RIN3: variants seen among roughly 807,000 people sequenced by gnomAD.
The protein encoded by RIN3 is RAB5 interacting protein 3.
In RIN3, 54 loss-of-function variants were observed where a neutral mutation model predicts 76.3. The ratio of observed to expected loss-of-function variants is 0.71; its 90% CI spans 0.57 to 0.89. The LOEUF (loss-of-function observed/expected upper bound fraction) is 0.89. RIN3 is among the 40% of genes least tolerant of loss of function. The probability of loss-of-function intolerance (pLI) is 0.00; values close to 1 mark genes in which losing one functional copy is unlikely to be tolerated. For synonymous variants in RIN3, 576 were observed against 564.0 expected, an observed-to-expected ratio of 1.02 and a Z score of -0.30; for missense variants, 1,256 against 1,322.1, an observed-to-expected ratio of 0.95 and a Z score of 0.78.
intron 2 of RIN3, among the ~76,000 whole-genome samples, chr14:92,567,170 A>T (rs117396607): frequency 6.6e-6 from 1 of 152,272 alleles, no homozygotes; most frequent in East Asian, 1.9e-4. Flanking sequence ...AAACTTTCCC[A>T]CTGAGCTATG....
chr14:92,577,014 G>A (rs1246308892), intron 2 of RIN3, among the ~76,000 whole-genome samples: 1 of 152,044 alleles, frequency 6.6e-6, no homozygotes, highest in Non-Finnish European at 1.5e-5. Context: ...GCCAATTCCA[G>A]CCCCACTTAC....
intron 4 of RIN3, among the ~76,000 whole-genome samples, chr14:92,632,620 T>A (rs1288181074): frequency 1.3e-5 from 2 of 152,190 alleles, no homozygotes; most frequent in Admixed American, 6.5e-5. Flanking sequence ...CCCAAGTGTG[T>A]GTGACCCGCA....
intron 7 of RIN3, among the ~76,000 whole-genome samples, chr14:92,665,601 T>TA (rs942518699): frequency 2.6e-5 from 4 of 152,046 alleles, no homozygotes; most frequent in African/African-American, 9.7e-5. Flanking sequence ...CAGGATGGTC[T>TA]TGATCTCCTG....
intron 1 of RIN3, among the ~76,000 whole-genome samples, chr14:92,531,932 C>T (rs1458186543): frequency 1.4e-5 from 2 of 142,714 alleles, no homozygotes; most frequent in Non-Finnish European, 3.1e-5. Context: ...CATCTCTTAT[C>T]TTTTTTTTTT....
At chr14:92,570,065 G>T (rs1898022000) in intron 2 of RIN3, among the ~76,000 whole-genome samples, 2 of 152,218 alleles carry the variant, frequency 1.3e-5, no homozygotes, top group Non-Finnish European at 2.9e-5. Flanking sequence ...CTGCCATGTG[G>T]CTGTGCTTCT....
At position 92,657,547 on chromosome 14, in the gene RIN3, C is replaced by T. The variant is rs746261111; in HGVS notation, c.2027-1614C>T. Among the ~76,000 whole-genome samples, 9 of 152,146 alleles carry T rather than the reference C, an allele frequency of 5.9e-5. No homozygotes were observed. The South Asian group carries it at 1.5e-3, about 25-fold the overall frequency. ...CTGCGGCTCTTAGATGTGAAGGGGC[C>T]GGGAGGGCGTGGGCACAGCCCTCTC... On this transcript the variant is annotated intron_variant, in intron 6 of 9. Transcript: ENST00000216487.
chr14:92,561,119 TTATATA>T (rs929657250), intron 2 of RIN3, among the ~76,000 whole-genome samples: 5 of 113,364 alleles, frequency 4.4e-5, no homozygotes, highest in Admixed American at 1.2e-4. Flanking sequence ...TTATATATAT[TTATATA>T]TATTTATATT....
At position 92,656,785 on chromosome 14, in the gene RIN3, G is replaced by C. The variant is rs1282279236; in HGVS notation, c.2027-2376G>C. On this transcript the variant is annotated intron_variant, in intron 6 of 9. Transcript: ENST00000216487. The surrounding 1 kb of genome is among the most constrained non-coding windows in gnomAD (Gnocchi z 5.2). ...GGGCCCTTCAGCCTTTGGGAACAGG[G>C]TCAGCATCCACAGCAATGGTGCCAT... Among the ~76,000 whole-genome samples, 2 of 152,212 alleles carry C rather than the reference G, an allele frequency of 1.3e-5. No homozygotes were observed. The highest frequency in any genetic ancestry group is 4.8e-5 in the African/African-American group (2 of 41,460).
intron 3 of RIN3, among the ~76,000 whole-genome samples, chr14:92,592,991 T>C (rs1595441214): frequency 1.3e-5 from 2 of 152,146 alleles, no homozygotes; most frequent in Non-Finnish European, 2.9e-5. Flanking sequence ...GTTTTTTTTT[T>C]CCTGAATATT....
At chr14:92,586,130 G>A (rs1466648085) in intron 3 of RIN3, among the ~76,000 whole-genome samples, 1 of 152,160 alleles carries the variant, frequency 6.6e-6, no homozygotes. Flanking sequence ...CACATCAATC[G>A]GTGACTACTC....
intron 4 of RIN3, among the ~76,000 whole-genome samples, chr14:92,629,951 C>G (rs1251717642): frequency 6.6e-6 from 1 of 152,230 alleles, no homozygotes; most frequent in Non-Finnish European, 1.5e-5. Context: ...CCTCCTGGCC[C>G]TTGGTATGTT....
Position 92,651,581 on chromosome 14 carries a change from G to C in RIN3, c.533-1G>C. The C allele has an allele frequency of 7.1e-7, 1 of 1,408,236 alleles. No homozygotes were observed. Among genetic ancestry groups the C allele is most frequent in the Non-Finnish European group, 9.5e-7 (1 of 1,050,244 alleles). 87.2% of individuals were successfully genotyped at this position (1,408,236 alleles called of 1,614,324 possible). Reference sequence around the variant, plus strand: ...CCCCTGCCCCTCTCTTGCTTCCACAGGTTTCTGGGACTCCTCGCTGAATCC... The same window carrying C: ...CCCCTGCCCCTCTCTTGCTTCCACACGTTTCTGGGACTCCTCGCTGAATCC... On this transcript the variant is annotated splice_acceptor_variant, in intron 5 of 9. Transcript: ENST00000216487. LOFTEE classifies it high-confidence loss of function.
At chr14:92,607,296 T>C (rs906906902) in intron 3 of RIN3, among the ~76,000 whole-genome samples, 2 of 152,210 alleles carry the variant, frequency 1.3e-5, no homozygotes, top group Non-Finnish European at 2.9e-5. Context: ...CACCCCTGCA[T>C]TGGTGGGAAT....
chr14:92,549,921 A>C (rs1897377915), intron 1 of RIN3, among the ~76,000 whole-genome samples: 2 of 152,154 alleles, frequency 1.3e-5, no homozygotes, highest in Non-Finnish European at 2.9e-5. Flanking sequence ...TCATTATCCA[A>C]GGTCCCCGGT....
intron 3 of RIN3, among the ~76,000 whole-genome samples, chr14:92,612,178 C>CA (rs1954652730): frequency 6.6e-6 from 1 of 152,188 alleles, no homozygotes; most frequent in Admixed American, 6.5e-5. Context: ...CAAACCATAT[C>CA]ACCTGTTTTA....
rs1400204334 is a variant in RIN3 at position 92,514,052 on chromosome 14, G to C, written c.44+76G>C. 11 of 1,003,394 alleles carry C rather than the reference G, an allele frequency of 1.1e-5. No homozygotes were observed. The African/African-American group carries it at 1.8e-4, about 17-fold the overall frequency. The allele number at this position is 1,003,394 out of a possible 1,614,324, so 62.2% of individuals were successfully genotyped here. ...TCCTGGCCGCCCCACTCCACTTCTT[G>C]TCCCAGAGAGTCCTTCGGGCGCGTG... On this transcript the variant is annotated intron_variant, in intron 1 of 9. Coordinates refer to ENST00000216487, the MANE Select transcript of RIN3 (RefSeq NM_024832.5). This position sits in a 1 kb window ranked among gnomAD's most constrained non-coding sequence, Gnocchi z 7.2.
chr14:92,622,164 A>G (rs1886204991), intron 4 of RIN3, among the ~76,000 whole-genome samples: 1 of 152,232 alleles, frequency 6.6e-6, no homozygotes, highest in South Asian at 2.1e-4. Context: ...CAACTGCAAG[A>G]GAAAATTCTA....
intron 2 of RIN3, among the ~76,000 whole-genome samples, chr14:92,558,643 G>A (rs1027839138): frequency 2.0e-5 from 3 of 152,178 alleles, no homozygotes; most frequent in Non-Finnish European, 4.4e-5. Context: ...CCAGGGGAAG[G>A]GACTGATGCC....
intron 3 of RIN3, among the ~76,000 whole-genome samples, chr14:92,608,844 T>C (rs534416233): frequency 2.0e-5 from 3 of 152,180 alleles, no homozygotes; most frequent in South Asian, 4.1e-4. Context: ...CTCTCTCTCT[T>C]AGCATTTTTA....
Sources: gnomAD v4.1 joint callset for allele counts (sites outside exome capture counted in the v4.1 genomes callset) on GRCh38, gnomAD v4.1.1 for gene constraint, Gnocchi (gnomAD v3.1) non-coding constraint, MANE v1.5 for transcripts, NCBI Gene and HGNC (gene_info 2026-07-23, HGNC 2026-07-21) for gene names.